Variants in CUBN observed in about 807,000 individuals in gnomAD.
The protein encoded by CUBN is cubilin.
CUBN carries 282 observed loss-of-function variants against 405.3 expected under a neutral mutation model. The observed-to-expected ratio is 0.70, with a 90% confidence interval of 0.63 to 0.77. The LOEUF is 0.77. Among genes scored for constraint, CUBN ranks in the 30% least tolerant of loss-of-function variants. The pLI is 0.00. For missense variants in CUBN, 4,514 were observed against 4,475.2 expected, an observed-to-expected ratio of 1.01 and a Z score of -0.25; for synonymous variants, 1,684 against 1,617.0, an observed-to-expected ratio of 1.04 and a Z score of -0.99.
intron 14 of CUBN, among the ~76,000 whole-genome samples, chr10:17,088,710 T>G (rs2131870024): frequency 6.6e-6 from 1 of 152,380 alleles, no homozygotes; most frequent in Non-Finnish European, 1.5e-5. Flanking sequence ...CCAGAACTTC[T>G]GCCAACCTCT....
At chr10:16,833,058 C>A (rs773441673) in intron 64 of CUBN, among the ~76,000 whole-genome samples, 1 of 152,178 alleles carries the variant, frequency 6.6e-6, no homozygotes, top group African/African-American at 2.4e-5. Flanking sequence ...CTCTCCACGG[C>A]TGGAAAGCAA....
At chr10:17,045,223 T>C in intron 24 of CUBN, 35 bp from the exon 25 acceptor site, 1 of 1,602,120 alleles carries the variant, frequency 6.2e-7, no homozygotes, top group Non-Finnish European at 8.5e-7. Flanking sequence ...CACACACCCC[T>C]TTCCTTCTGG....
intron 31 of CUBN, among the ~76,000 whole-genome samples, chr10:16,969,444 T>A (rs1843492422): frequency 6.6e-6 from 1 of 151,920 alleles, no homozygotes; most frequent in South Asian, 2.1e-4. Flanking sequence ...AGCCTCCGCC[T>A]CCGGGGTTCA....
intron 22 of CUBN, among the ~76,000 whole-genome samples, chr10:17,058,599 T>C (rs560918451): frequency 3.9e-5 from 6 of 152,138 alleles, no homozygotes; most frequent in Admixed American, 1.3e-4. Context: ...TCAAATTTCA[T>C]AGAGAGAAAA....
At chr10:16,978,845 C>A (rs1482938121) in intron 31 of CUBN, among the ~76,000 whole-genome samples, 1 of 152,160 alleles carries the variant, frequency 6.6e-6, no homozygotes, top group Non-Finnish European at 1.5e-5. Flanking sequence ...CAGGTCACAG[C>A]AATCAGGCAA....
intron 45 of CUBN, among the ~76,000 whole-genome samples, chr10:16,918,126 T>C (rs1389950297): frequency 3.3e-5 from 5 of 152,126 alleles, no homozygotes; most frequent in South Asian, 4.1e-4. Flanking sequence ...ATTTCTGAGC[T>C]CTCTACTCCA....
intron 17 of CUBN, among the ~76,000 whole-genome samples, chr10:17,079,584 C>T (rs991958500): frequency 2.6e-5 from 4 of 152,056 alleles, no homozygotes; most frequent in Non-Finnish European, 1.5e-5. Flanking sequence ...CTTTATCCTA[C>T]CCTCTCTAGA....
chr10:16,908,834 CAGA>C (rs1352256975), intron 48 of CUBN, among the ~76,000 whole-genome samples: 1 of 150,028 alleles, frequency 6.7e-6, no homozygotes, highest in Non-Finnish European at 1.5e-5. Context: ...AACAGTTATG[CAGA>C]AGGAGAATGC....
chr10:16,896,430 G>C (rs1841185625), intron 54 of CUBN, among the ~76,000 whole-genome samples: 2 of 152,114 alleles, frequency 1.3e-5, no homozygotes, highest in Admixed American at 1.3e-4. Flanking sequence ...TAGTTTTCCA[G>C]ATATAAAATG....
At chr10:16,940,323 G>A (rs946198414) in intron 36 of CUBN, 86 bp from the exon 37 acceptor site, 14 of 1,278,012 alleles carry the variant, frequency 1.1e-5, no homozygotes, top group South Asian at 7.2e-5. Flanking sequence ...AGGTTAACCC[G>A]TTCACTTTTT....
chr10:17,086,112 C>T (rs1445230628), intron 15 of CUBN, among the ~76,000 whole-genome samples: 1 of 151,958 alleles, frequency 6.6e-6, no homozygotes, highest in Non-Finnish European at 1.5e-5. Flanking sequence ...ACTACAGGCA[C>T]CTGCCACCAC....
intron 29 of CUBN, among the ~76,000 whole-genome samples, chr10:16,987,577 A>T (rs1175462277): frequency 2.6e-5 from 4 of 152,154 alleles, no homozygotes; most frequent in Non-Finnish European, 5.9e-5. Context: ...CTTCTGAATA[A>T]ATTTTGTGAA....
intron 19 of CUBN, among the ~76,000 whole-genome samples, chr10:17,070,468 T>C (rs923349903): frequency 2.0e-5 from 3 of 152,202 alleles, no homozygotes; most frequent in African/African-American, 7.2e-5. Context: ...TATTGCCATC[T>C]TAACAATATT....
chr10:16,853,637 G>C (rs574073656), intron 59 of CUBN, among the ~76,000 whole-genome samples: 210 of 152,270 alleles, frequency 1.4e-3, no homozygotes, highest in African/African-American at 4.9e-3. Context: ...GCTTCCAAAG[G>C]CCCAGTCCCT....
intron 39 of CUBN, 36 bp from the exon 40 acceptor site, chr10:16,933,320 T>C: frequency 6.3e-7 from 1 of 1,594,120 alleles, no homozygotes; most frequent in Non-Finnish European, 8.6e-7. Flanking sequence ...GACACAGCCC[T>C]AATGGAAAAG....
intron 60 of CUBN, among the ~76,000 whole-genome samples, chr10:16,842,896 C>T (rs1686477935): frequency 6.6e-6 from 1 of 152,212 alleles, no homozygotes; most frequent in Non-Finnish European, 1.5e-5. Flanking sequence ...TCCTGCTGCT[C>T]TTCCTTCCTC....
chr10:16,928,455 G>C (rs1842261499), intron 40 of CUBN, 152 bp from the exon 41 acceptor site: 8 of 814,742 alleles, frequency 9.8e-6, no homozygotes, highest in Non-Finnish European at 1.4e-5. Context: ...GACCCCTCAG[G>C]GGTGATATCA....
At chr10:17,028,644 C>T (rs1313459028) in intron 27 of CUBN, among the ~76,000 whole-genome samples, 1 of 151,412 alleles carries the variant, frequency 6.6e-6, no homozygotes, top group African/African-American at 2.4e-5. Flanking sequence ...TGACTTGAAT[C>T]TGGGAGGCGG....
intron 28 of CUBN, among the ~76,000 whole-genome samples, chr10:17,000,675 A>G (rs1210799294): frequency 6.6e-6 from 1 of 152,188 alleles, no homozygotes; most frequent in East Asian, 1.9e-4. Flanking sequence ...ATTTGCTTTC[A>G]GGCACCATCG....
Sources: allele counts gnomAD v4.1 joint callset (sites outside exome capture counted in the v4.1 genomes callset), GRCh38; gene constraint gnomAD v4.1.1; transcripts MANE v1.5; gene names NCBI Gene and HGNC (gene_info 2026-07-23, HGNC 2026-07-21).